CTNNA2: variants seen among roughly 807,000 people sequenced by gnomAD.
CTNNA2 encodes catenin alpha 2.
Under a neutral mutation model 101.0 loss-of-function variants are expected in CTNNA2, and 42 were observed. That is an observed-to-expected ratio of 0.42 (90% CI 0.32 to 0.54). The LOEUF (loss-of-function observed/expected upper bound fraction) is 0.54. Ranked by LOEUF, CTNNA2 falls within the 20% of genes least tolerant of loss-of-function variation. CTNNA2 has a pLI of 0.14. For missense variants in CTNNA2, 871 were observed against 1,223.1 expected, an observed-to-expected ratio of 0.71 and a Z score of 4.29; for synonymous variants, 450 against 456.4, an observed-to-expected ratio of 0.99 and a Z score of 0.18.
rs1280502155 is a variant in CTNNA2 at position 79,380,993 on chromosome 2, C to G, written c.-135+6980C>G. 3.3e-5 allele frequency among the ~76,000 whole-genome samples: 5 copies of G among 152,258 alleles called. 1 individual carries two copies. The East Asian group carries it at 9.7e-4, about 29-fold the overall frequency. On this transcript the variant is annotated intron_variant, in intron 4 of 21. Transcript: ENST00000466387. ...AAAATTTTGAAGAAAAGTTAGAAAA[C>G]AGGTAAGCACTGAAGTTCGTTGATC...
intron 9 of CTNNA2, among the ~76,000 whole-genome samples, chr2:80,521,877 C>G (rs1032858215): frequency 6.6e-6 from 1 of 152,088 alleles, no homozygotes; most frequent in Non-Finnish European, 1.5e-5. Context: ...CACTAAATAA[C>G]TAAATCAAAA....
intron 2 of CTNNA2, among the ~76,000 whole-genome samples, chr2:79,298,898 G>A (rs929272100): frequency 1.3e-5 from 2 of 152,176 alleles, no homozygotes; most frequent in African/African-American, 4.8e-5. Flanking sequence ...TAACTGTTCA[G>A]CCTTTATCTG....
At chr2:80,484,051 G>A (rs115620693) in intron 9 of CTNNA2, among the ~76,000 whole-genome samples, 1,596 of 152,212 alleles carry the variant, frequency 0.01, 34 homozygotes, top group African/African-American at 0.037. Context: ...TATAAAAAGA[G>A]TCATTGAAGA....
intron 7 of CTNNA2, among the ~76,000 whole-genome samples, chr2:80,309,935 GAGTTTGGCCACTCAAA>G (rs1021093208): frequency 6.6e-6 from 1 of 151,886 alleles, no homozygotes; most frequent in Non-Finnish European, 1.5e-5. Flanking sequence ...AACTCTAATA[GAGTTTGGCCACTCAAA>G]AGTGTAGGCC....
rs894375665 is a variant in CTNNA2 at position 80,567,874 on chromosome 2, A to G, written c.1742-6289A>G. 2.0e-5 allele frequency among the ~76,000 whole-genome samples: 3 copies of G among 152,166 alleles called. No homozygotes were observed. The East Asian group carries it at 5.8e-4, about 29-fold the overall frequency. On this transcript the variant is annotated intron_variant, in intron 12 of 18. Transcript: ENST00000402739. Reference sequence around the variant, plus strand: ...TTATGTTATTTTTAGATTCCTTTCAATGCTCTTTTTTTTATTTTATGTTAA... The same window carrying G: ...TTATGTTATTTTTAGATTCCTTTCAGTGCTCTTTTTTTTATTTTATGTTAA...
chr2:80,554,488 G>A (rs1450511133), intron 11 of CTNNA2, among the ~76,000 whole-genome samples: 3 of 152,120 alleles, frequency 2.0e-5, no homozygotes, highest in Non-Finnish European at 4.4e-5. Flanking sequence ...ATGTCTCATG[G>A]TTCTGGAGGC....
At chr2:80,286,042 A>C (rs1251750766) in intron 7 of CTNNA2, among the ~76,000 whole-genome samples, 2 of 152,130 alleles carry the variant, frequency 1.3e-5, no homozygotes, top group Non-Finnish European at 2.9e-5. Context: ...AGGTGGCCTA[A>C]TATTGGTCCA....
intron 2 of CTNNA2, among the ~76,000 whole-genome samples, chr2:79,279,995 G>A (rs1212347724): frequency 6.6e-6 from 1 of 152,006 alleles, no homozygotes; most frequent in Non-Finnish European, 1.5e-5. Flanking sequence ...ACCTTACTAA[G>A]AATTTGGTGT....
intron 7 of CTNNA2, among the ~76,000 whole-genome samples, chr2:80,102,187 A>G (rs941866202): frequency 7.2e-5 from 11 of 152,148 alleles, no homozygotes; most frequent in African/African-American, 2.2e-4. Context: ...ACTCAGTATT[A>G]CAACTAATGT....
intron 2 of CTNNA2, among the ~76,000 whole-genome samples, chr2:79,694,822 T>C (rs1343946451): frequency 6.6e-6 from 1 of 151,950 alleles, no homozygotes; most frequent in Non-Finnish European, 1.5e-5. Context: ...CTTTTGTCTT[T>C]AAGAACTTCT....
chr2:80,551,236 T>G (rs2149647296), intron 11 of CTNNA2, among the ~76,000 whole-genome samples: 1 of 152,326 alleles, frequency 6.6e-6, no homozygotes, highest in South Asian at 2.1e-4. Flanking sequence ...TAAACAGATG[T>G]GCTGTCTTCA....
intron 9 of CTNNA2, among the ~76,000 whole-genome samples, chr2:80,441,141 G>A (rs1338085723): frequency 6.6e-6 from 1 of 152,162 alleles, no homozygotes; most frequent in Non-Finnish European, 1.5e-5. Flanking sequence ...AGTACTTGTG[G>A]AAGTAAATCC....
intron 16 of CTNNA2, among the ~76,000 whole-genome samples, chr2:80,606,426 ATTTAT>A (rs1187222391): frequency 1.3e-5 from 2 of 150,222 alleles, no homozygotes; most frequent in East Asian, 4.0e-4. Flanking sequence ...CCCAGGATAC[ATTTAT>A]TTTGAGATTC....
chr2:79,959,212 A>G (rs1689456718), intron 7 of CTNNA2, among the ~76,000 whole-genome samples: 1 of 152,018 alleles, frequency 6.6e-6, no homozygotes, highest in South Asian at 2.1e-4. Context: ...CTATTTGTCT[A>G]TATTATCCAC....
At chr2:80,468,653 T>C (rs2149482635) in intron 9 of CTNNA2, among the ~76,000 whole-genome samples, 1 of 152,284 alleles carries the variant, frequency 6.6e-6, no homozygotes, top group East Asian at 1.9e-4. Context: ...CCTGACCTTG[T>C]GATCCACCCA....
chr2:79,416,925 A>T (rs941527740), intron 4 of CTNNA2, among the ~76,000 whole-genome samples: 2 of 152,104 alleles, frequency 1.3e-5, no homozygotes, highest in African/African-American at 4.8e-5. Flanking sequence ...AAATTATCTC[A>T]TGGCACATTA....
intron 7 of CTNNA2, among the ~76,000 whole-genome samples, chr2:80,374,682 CGTGTGTGTGTGTGT>C (rs57179557): frequency 7.5e-6 from 1 of 133,964 alleles, no homozygotes. Context: ...TGCGTGCGTG[CGTGTGTGTGTGTGT>C]GTGTGTGTGT....
intron 7 of CTNNA2, chr2:80,288,527 G>A (rs1243019714): frequency 6.6e-6 from 1 of 152,136 alleles, no homozygotes; most frequent in Admixed American, 6.5e-5. Context: ...CAAACAGCTG[G>A]CAGTTGTTGA....
intron 4 of CTNNA2, among the ~76,000 whole-genome samples, chr2:79,374,856 A>G (rs780135431): frequency 6.6e-6 from 1 of 152,138 alleles, no homozygotes; most frequent in Non-Finnish European, 1.5e-5. Flanking sequence ...GCAGAAAGAG[A>G]TTCATTCCAT....
Sources: gnomAD v4.1 joint callset for allele counts (sites outside exome capture counted in the v4.1 genomes callset) on GRCh38, gnomAD v4.1.1 for gene constraint, MANE v1.5 for transcripts, NCBI Gene and HGNC (gene_info 2026-07-23, HGNC 2026-07-21) for gene names.